Variants in FEZ1 observed in about 807,000 individuals in gnomAD.
FEZ1 encodes fasciculation and elongation protein zeta 1.
A neutral mutation model predicts 49.3 loss-of-function variants in FEZ1; 20 were observed. That is an observed-to-expected ratio of 0.41 (90% confidence interval 0.29 to 0.59). FEZ1 has a LOEUF of 0.59. FEZ1 is among the 20% of genes least tolerant of loss of function. The pLI, the probability that FEZ1 is intolerant of heterozygous loss-of-function variation, is 0.36. For synonymous variants in FEZ1, 170 were observed against 180.9 expected, an observed-to-expected ratio of 0.94 and a Z score of 0.48; for missense variants, 413 against 476.0, an observed-to-expected ratio of 0.87 and a Z score of 1.23.
intron 1 of FEZ1, among the ~76,000 whole-genome samples, chr11:125,493,465 G>A (rs1413556793): frequency 2.3e-4 from 12 of 51,282 alleles, no homozygotes; most frequent in African/African-American, 1.1e-3. Flanking sequence ...AAGGAAAGAA[G>A]GAAAGAAGGA....
chr11:125,450,719 T>A (rs201545230), intron 8 of FEZ1, among the ~76,000 whole-genome samples: 4 of 152,086 alleles, frequency 2.6e-5, no homozygotes, highest in East Asian at 3.9e-4. Context: ...ATAGAAGAGA[T>A]AGCCATAAAA....
At chr11:125,452,644 A>C in intron 7 of FEZ1, 3 of 469,856 alleles carry the variant, frequency 6.4e-6, no homozygotes. Flanking sequence ...CTACACTACA[A>C]ACTTCTCTGT....
Position 125,474,334 on chromosome 11 carries a change from G to A in FEZ1, c.411+7200C>T, listed in dbSNP as rs1043810509. Among the ~76,000 whole-genome samples, 11 of 150,078 alleles carry A rather than the reference G, an allele frequency of 7.3e-5. No individual in the cohort carries two copies. The East Asian group carries it at 1.4e-3, about 19-fold the overall frequency. The stretch of plus-strand genomic sequence containing the variant: ...ATTACAGACATGAGCTACCACGCCC[G>A]GCCTAATTTTTCTTTTTGAGAGGGG... On this transcript the variant is annotated intron_variant, in intron 3 of 9. Coordinates refer to ENST00000278919, the MANE Select transcript of FEZ1 (RefSeq NM_005103.5).
rs1043565951 is a variant in FEZ1 at position 125,443,843 on chromosome 11, T to C, written c.*2252A>G. On this transcript the variant is annotated 3_prime_UTR_variant, in exon 10 of 10. Coordinates refer to ENST00000278919, the MANE Select transcript of FEZ1 (RefSeq NM_005103.5). ...GTGTATCCCCAACACTCGAGATTTA[T>C]TTTTAACTCCCAGCAGCTTTGATTA... 3.9e-5 allele frequency among the ~76,000 whole-genome samples: 6 copies of C among 152,144 alleles called. No homozygotes were observed. Among genetic ancestry groups the C allele is most frequent in the African/African-American group, 7.2e-5 (3 of 41,394 alleles).
At chr11:125,484,482 C>G (rs138336255) in intron 2 of FEZ1, among the ~76,000 whole-genome samples, 2 of 152,250 alleles carry the variant, frequency 1.3e-5, no homozygotes, top group Non-Finnish European at 2.9e-5. Flanking sequence ...TAATCATAAC[C>G]TAGGAGAGCA....
chr11:125,490,876 G>A (rs1368732180), intron 1 of FEZ1, among the ~76,000 whole-genome samples: 1 of 152,012 alleles, frequency 6.6e-6, no homozygotes, highest in Admixed American at 6.6e-5. Flanking sequence ...CAATCCTCAT[G>A]CCTTGGCCTC....
Position 125,489,154 on chromosome 11 carries a change from G to A in FEZ1, c.311+313C>T, listed in dbSNP as rs998679459. On this transcript the variant is annotated intron_variant, in intron 2 of 9. Transcript: ENST00000278919. This position sits in a 1 kb window ranked among gnomAD's most constrained non-coding sequence, Gnocchi z 4.2. The stretch of plus-strand genomic sequence containing the variant: ...TTCTGGCCTTTATTTCTAATATCTC[G>A]CTGGATTTCCACTGATATAAAGAAA... 46 of 1,035,254 alleles carry A rather than the reference G, an allele frequency of 4.4e-5. No individual in the cohort carries two copies. The highest frequency in any genetic ancestry group is 5.2e-5 in the Non-Finnish European group (45 of 863,570). 64.1% of individuals were successfully genotyped at this position (1,035,254 alleles called of 1,614,324 possible).
intron 2 of FEZ1, among the ~76,000 whole-genome samples, chr11:125,483,809 G>A (rs894112211): frequency 6.6e-6 from 1 of 152,290 alleles, no homozygotes; most frequent in Middle Eastern, 3.4e-3. Flanking sequence ...GAACTTTAAC[G>A]AGCTACACAC....
In FEZ1 at chr11:125,475,927, G is replaced by A. The variant is rs139380713; in HGVS notation, c.411+5607C>T. 1.2e-4 allele frequency among the ~76,000 whole-genome samples: 18 copies of A among 152,246 alleles called. No homozygotes were observed. In the East Asian group the frequency reaches 1.9e-3, roughly 16 times the overall value. ...TCATCTATAAGCGAATGAATAAGCC[G>A]CTGGTGATATATCCATACAACAGAA... On this transcript the variant is annotated intron_variant, in intron 3 of 9. Coordinates refer to ENST00000278919, the MANE Select transcript of FEZ1 (RefSeq NM_005103.5).
In FEZ1 at chr11:125,495,911, G is replaced by A. The variant is rs1393136267; in HGVS notation, c.-46+210C>T. 7.6e-6 allele frequency: 2 copies of A among 264,630 alleles called. No individual in the cohort carries two copies. The highest frequency in any genetic ancestry group is 1.5e-5 in the Non-Finnish European group (2 of 135,472). The allele number at this position is 264,630 out of a possible 1,614,324, so 16.4% of individuals were successfully genotyped here. ...TCCCACATCTCCAGGGCCTGGCGCG[G>A]CGTCCCAGCTGCGCTCCCTGAAGGG... is the stretch of plus-strand genomic sequence containing the variant. On this transcript the variant is annotated intron_variant, in intron 1 of 9. Transcript: ENST00000278919. This position sits in a 1 kb window ranked among gnomAD's most constrained non-coding sequence, Gnocchi z 4.2.
At chr11:125,491,136 T>G (rs1035335062) in intron 1 of FEZ1, among the ~76,000 whole-genome samples, 1 of 152,158 alleles carries the variant, frequency 6.6e-6, no homozygotes, top group African/African-American at 2.4e-5. Flanking sequence ...CTGTATCCTG[T>G]AAGAAACAGA....
At chr11:125,460,468 C>G in intron 5 of FEZ1, 30 bp downstream of exon 5, 1 of 1,604,178 alleles carries the variant, frequency 6.2e-7, no homozygotes, top group Non-Finnish European at 8.5e-7. Flanking sequence ...GTGCTTCCTC[C>G]TCGGCCAGCC....
intron 3 of FEZ1, 133 bp downstream of exon 3, chr11:125,481,401 G>A (rs772526288): frequency 3.4e-5 from 25 of 736,410 alleles, no homozygotes; most frequent in Admixed American, 7.3e-5. Context: ...CACCCACCTC[G>A]GTCTCCCAAA....
At chr11:125,474,294 T>A (rs1957209797) in intron 3 of FEZ1, among the ~76,000 whole-genome samples, 1 of 149,314 alleles carries the variant, frequency 6.7e-6, no homozygotes, top group South Asian at 2.2e-4. Context: ...CACCTTGGCC[T>A]CCCAAAGTGC....
At chr11:125,470,109 A>G (rs1957171650) in intron 3 of FEZ1, among the ~76,000 whole-genome samples, 1 of 152,212 alleles carries the variant, frequency 6.6e-6, no homozygotes, top group Non-Finnish European at 1.5e-5. Context: ...TATAGAGAAG[A>G]GAAATCAAAA....
Position 125,489,613 on chromosome 11 carries a change from G to T in FEZ1, c.165C>A (p.Ser55Arg). ...ELENFSSEII[S>R]FKSMEDLVNE... ...TTACGAGGTCCTCCATGGACTTGAAGCTGATTATTTCGGAAGAAAAATTCT... is the reference window on the plus strand; with the variant it reads ...TTACGAGGTCCTCCATGGACTTGAATCTGATTATTTCGGAAGAAAAATTCT... Residue 55 changes from serine to arginine, a missense_variant, in exon 2 of 10, where the codon AGC becomes AGA. Transcript: ENST00000278919. This position sits in a 1 kb window ranked among gnomAD's most constrained non-coding sequence, Gnocchi z 4.2. 6.2e-7 allele frequency: 1 copy of T among 1,614,200 alleles called. No homozygotes were observed. Among genetic ancestry groups the T allele is most frequent in the Non-Finnish European group, 8.5e-7 (1 of 1,180,020 alleles).
chr11:125,495,306 C>A lies in FEZ1; in HGVS notation c.-46+815G>T. The stretch of plus-strand genomic sequence containing the variant: ...CCTTCCGGCCAAACAAGCCCGGACA[C>A]GGGAGAGGGATGAGAGTCGGGGATG... On this transcript the variant is annotated intron_variant, in intron 1 of 9. Coordinates refer to ENST00000278919, the MANE Select transcript of FEZ1 (RefSeq NM_005103.5). This position sits in a 1 kb window ranked among gnomAD's most constrained non-coding sequence, Gnocchi z 4.2. 2.2e-6 allele frequency: 1 copy of A among 455,634 alleles called. No homozygotes were observed. Among genetic ancestry groups the A allele is most frequent in the South Asian group, 1.6e-5 (1 of 62,876 alleles). 28.2% of individuals were successfully genotyped at this position (455,634 alleles called of 1,614,324 possible).
intron 5 of FEZ1, among the ~76,000 whole-genome samples, chr11:125,459,980 C>G (rs1244959993): frequency 6.6e-6 from 1 of 152,080 alleles, no homozygotes; most frequent in Non-Finnish European, 1.5e-5. Flanking sequence ...CCTGTAGTCC[C>G]AACTACTCAG....
chr11:125,461,054 A>C (rs1957069420), intron 4 of FEZ1, among the ~76,000 whole-genome samples: 2 of 152,238 alleles, frequency 1.3e-5, no homozygotes, highest in Non-Finnish European at 2.9e-5. Flanking sequence ...TAATTGACAT[A>C]ATACACGTGA....
Sources: allele counts gnomAD v4.1 joint callset (sites outside exome capture counted in the v4.1 genomes callset), GRCh38; gene constraint gnomAD v4.1.1; non-coding constraint Gnocchi (gnomAD v3.1); transcripts MANE v1.5; gene names NCBI Gene and HGNC (gene_info 2026-07-23, HGNC 2026-07-21).